The following WDR70 variants were observed in gnomAD, a reference collection of about 807,000 sequenced individuals.
The protein encoded by WDR70 is WD repeat domain 70, also known as WD repeat-containing protein 70.
Under a neutral mutation model 88.6 loss-of-function variants are expected in WDR70, and 53 were observed. That is an observed-to-expected ratio of 0.60 (90% CI 0.48 to 0.75). The LOEUF (loss-of-function observed/expected upper bound fraction) is 0.75. WDR70 is among the 30% of genes least tolerant of loss of function. The probability of loss-of-function intolerance (pLI) is 0.00; values close to 1 mark genes in which losing one functional copy is unlikely to be tolerated. For synonymous variants in WDR70, 280 were observed against 270.0 expected, an observed-to-expected ratio of 1.04 and a Z score of -0.36; for missense variants, 610 against 823.2, an observed-to-expected ratio of 0.74 and a Z score of 3.17.
chr5:37,626,364 A>G (rs2112515505), intron 10 of WDR70, among the ~76,000 whole-genome samples: 1 of 152,334 alleles, frequency 6.6e-6, no homozygotes, highest in East Asian at 1.9e-4. Flanking sequence ...ACATCTATTG[A>G]GATCATCTTG....
chr5:37,719,800 G>T (rs373511324), intron 13 of WDR70, among the ~76,000 whole-genome samples: 1 of 151,252 alleles, frequency 6.6e-6, no homozygotes, highest in South Asian at 2.1e-4. Context: ...TCACATGGGA[G>T]TCAGAATTTT....
rs139366408 is a variant in WDR70, at chr5:37,592,572, T to C, written c.918-12492T>C. On this transcript the variant is annotated intron_variant, in intron 9 of 17. Coordinates refer to ENST00000265107, the MANE Select transcript of WDR70 (RefSeq NM_018034.4). The stretch of plus-strand genomic sequence containing the variant: ...GTGGCAGACTGAATGAACTGTGTGT[T>C]GTGTACATGCATTTTGATTGCGACC... Among the ~76,000 whole-genome samples the C allele has an allele frequency of 2.8e-3, 430 of 152,352 alleles. 3 individuals are homozygous for C. The highest frequency in any genetic ancestry group is 9.9e-3 in the African/African-American group (411 of 41,592).
At chr5:37,701,531 T>C (rs1747161952) in intron 12 of WDR70, among the ~76,000 whole-genome samples, 1 of 152,190 alleles carries the variant, frequency 6.6e-6, no homozygotes, top group Admixed American at 6.5e-5. Context: ...GGCTCATGCC[T>C]GTAATCCCAG....
At chr5:37,522,457 T>A (rs1581362428) in intron 9 of WDR70, among the ~76,000 whole-genome samples, 3 of 123,480 alleles carry the variant, frequency 2.4e-5, no homozygotes, top group African/African-American at 3.3e-5. Flanking sequence ...GGTGATGGAG[T>A]GAGACTCTGT....
Position 37,403,667 on chromosome 5 carries a change from G to A in WDR70, c.492+7097G>A, listed in dbSNP as rs114076203. Among the ~76,000 whole-genome samples the A allele has an allele frequency of 9.0e-3, 1,370 of 152,030 alleles. 24 individuals carry two copies. The highest frequency in any genetic ancestry group is 0.032 in the African/African-American group (1,313 of 41,452). The stretch of plus-strand genomic sequence containing the variant: ...TAGCAAATATTGTTGAAATTAATGG[G>A]GTAATATTTTTAAAAAGAACCTTTC... On this transcript the variant is annotated intron_variant, in intron 5 of 17. Coordinates refer to ENST00000265107, the MANE Select transcript of WDR70 (RefSeq NM_018034.4).
At chr5:37,582,314 A>T (rs370734724) in intron 9 of WDR70, among the ~76,000 whole-genome samples, 3 of 152,212 alleles carry the variant, frequency 2.0e-5, no homozygotes, top group African/African-American at 4.8e-5. Flanking sequence ...TATTTCAGGA[A>T]AACGTGTATT....
chr5:37,551,449 G>A (rs1239688750), intron 9 of WDR70, among the ~76,000 whole-genome samples: 2 of 151,754 alleles, frequency 1.3e-5, no homozygotes, highest in East Asian at 3.9e-4. Flanking sequence ...TATTATTTTA[G>A]CTGGGCATGG....
At chr5:37,568,299 A>G (rs1001028870) in intron 9 of WDR70, among the ~76,000 whole-genome samples, 7 of 152,216 alleles carry the variant, frequency 4.6e-5, no homozygotes, top group African/African-American at 1.4e-4. Context: ...GAGAAGGTCT[A>G]TGACCTGGTC....
At chr5:37,647,063 C>CT (rs1026506415) in intron 10 of WDR70, among the ~76,000 whole-genome samples, 4 of 151,964 alleles carry the variant, frequency 2.6e-5, no homozygotes, top group South Asian at 4.2e-4. Context: ...TTTTTTATTC[C>CT]TTTTTTTCCT....
At chr5:37,630,059 T>C (rs1744770349) in intron 10 of WDR70, among the ~76,000 whole-genome samples, 1 of 152,152 alleles carries the variant, frequency 6.6e-6, no homozygotes. Flanking sequence ...CATTTGAGAG[T>C]TTCTCAGTGG....
chr5:37,646,764 C>A (rs1745250511), intron 10 of WDR70, among the ~76,000 whole-genome samples: 4 of 152,078 alleles, frequency 2.6e-5, no homozygotes, highest in African/African-American at 9.7e-5. Flanking sequence ...TTATTTATTT[C>A]TTTTCTCTTG....
intron 10 of WDR70, among the ~76,000 whole-genome samples, chr5:37,638,877 G>A (rs74418332): frequency 0.067 from 10,151 of 152,180 alleles, 412 homozygotes; most frequent in South Asian, 0.14. Context: ...GTTTTCAAAA[G>A]CAAGACTACA....
At chr5:37,604,490 G>A (rs1743974640) in intron 9 of WDR70, among the ~76,000 whole-genome samples, 5 of 152,178 alleles carry the variant, frequency 3.3e-5, no homozygotes, top group Admixed American at 3.3e-4. Flanking sequence ...TGAGTACAAG[G>A]GTGTTACACC....
chr5:37,629,816 C>T (rs915409774), intron 10 of WDR70, among the ~76,000 whole-genome samples: 1 of 152,098 alleles, frequency 6.6e-6, no homozygotes, highest in Non-Finnish European at 1.5e-5. Flanking sequence ...TTATGTTTCT[C>T]TTTGGAAGTG....
At chr5:37,497,240 C>A (rs1331083961) in intron 8 of WDR70, among the ~76,000 whole-genome samples, 1 of 144,298 alleles carries the variant, frequency 6.9e-6, no homozygotes, top group African/African-American at 2.6e-5. Flanking sequence ...CCTCCCTCCT[C>A]CCTCCCTTTT....
intron 9 of WDR70, among the ~76,000 whole-genome samples, chr5:37,560,040 G>A (rs566262250): frequency 6.6e-6 from 1 of 152,000 alleles, no homozygotes; most frequent in East Asian, 1.9e-4. Flanking sequence ...ATGTTTTTTA[G>A]AATAATTTCT....
chr5:37,671,874 G>C (rs1746035183), intron 10 of WDR70, among the ~76,000 whole-genome samples: 1 of 152,114 alleles, frequency 6.6e-6, no homozygotes, highest in African/African-American at 2.4e-5. Flanking sequence ...ATACTTTGCT[G>C]GTTTTTTGGG....
intron 9 of WDR70, among the ~76,000 whole-genome samples, chr5:37,570,958 G>T (rs539656562): frequency 8.5e-5 from 13 of 152,120 alleles, no homozygotes; most frequent in African/African-American, 2.9e-4. Flanking sequence ...ATGGTTTTGT[G>T]TACATCTCTG....
chr5:37,483,956 G>C (rs1739766404), intron 8 of WDR70, among the ~76,000 whole-genome samples: 1 of 151,660 alleles, frequency 6.6e-6, no homozygotes, highest in Admixed American at 6.6e-5. Context: ...CATCCCAGAC[G>C]GGGCGGCGGG....
Sources: gnomAD v4.1 joint callset for allele counts (sites outside exome capture counted in the v4.1 genomes callset) on GRCh38, gnomAD v4.1.1 for gene constraint, MANE v1.5 for transcripts, NCBI Gene and HGNC (gene_info 2026-07-23, HGNC 2026-07-21) for gene names.